TJP2: variants seen among roughly 807,000 people sequenced by gnomAD.
TJP2 encodes Friedreich ataxia region gene X104 (tight junction protein ZO-2).
In TJP2, 91 loss-of-function variants were observed where a neutral mutation model predicts 133.1. The ratio of observed to expected loss-of-function variants is 0.68; its 90% CI spans 0.58 to 0.81. TJP2 has a LOEUF of 0.81. Ranked by LOEUF, TJP2 falls within the 40% of genes least tolerant of loss-of-function variation. TJP2 has a pLI of 0.00. For synonymous variants in TJP2, 592 were observed against 583.4 expected, an observed-to-expected ratio of 1.01 and a Z score of -0.21; for missense variants, 1,541 against 1,565.6, an observed-to-expected ratio of 0.98 and a Z score of 0.26.
intron 1 of TJP2, chr9:69,145,951 C>A: frequency 2.3e-6 from 1 of 441,966 alleles, no homozygotes; most frequent in Non-Finnish European, 3.7e-6. Context: ...GAACTTGTTT[C>A]TTCTTGGTGG....
At chr9:69,173,485 G>A (rs1000941101), upstream of TJP2, among the ~76,000 whole-genome samples, 4 of 152,336 alleles carry the variant, frequency 2.6e-5, no homozygotes, top group South Asian at 2.1e-4. Flanking sequence ...ATAAGCTGAT[G>A]ATGGGAGAGG....
At chr9:69,218,138 C>T in intron 3 of TJP2, 119 bp from the exon 4 acceptor site, 1 of 830,570 alleles carries the variant, frequency 1.2e-6, no homozygotes, top group African/African-American at 1.7e-5. Context: ...CGCCACTAGA[C>T]ACTGAGCCCT....
intron 11 of TJP2, among the ~76,000 whole-genome samples, chr9:69,231,008 ATG>A (rs374705533): frequency 9.9e-5 from 15 of 151,002 alleles, no homozygotes; most frequent in African/African-American, 2.2e-4. Flanking sequence ...ACATTTGTGT[ATG>A]TGTGTGTGTG....
In TJP2 at chr9:69,221,642, C is replaced by T. The variant is rs572677921; in HGVS notation, c.952+146C>T. The T allele has an allele frequency of 1.4e-3, 1,588 of 1,115,806 alleles. 3 individuals carry two copies. The highest frequency in any genetic ancestry group is 1.7e-3 in the Non-Finnish European group (1,308 of 773,670). 69.1% of individuals were successfully genotyped at this position (1,115,806 alleles called of 1,614,324 possible). ...GATCTCGGCTCACTGCAACCTCCAC[C>T]TCCCGGGTTCAAGTGATTCTCCTGC... On this transcript the variant is annotated intron_variant, in intron 5 of 22. Transcript: ENST00000377245.
At chr9:69,247,753 T>C (rs111671780) in intron 18 of TJP2, among the ~76,000 whole-genome samples, 24 of 152,282 alleles carry the variant, frequency 1.6e-4, no homozygotes, top group African/African-American at 5.5e-4. Context: ...TGAGAAAGTG[T>C]GGCTTAGCCG....
intron 2 of TJP2, among the ~76,000 whole-genome samples, chr9:69,158,152 A>G (rs183285597): frequency 6.6e-6 from 1 of 151,714 alleles, no homozygotes; most frequent in Admixed American, 6.6e-5. Flanking sequence ...ATCTCTACTA[A>G]AAAACAAAAA....
At chr9:69,231,141 G>T (rs1374396685) in intron 11 of TJP2, among the ~76,000 whole-genome samples, 1 of 151,518 alleles carries the variant, frequency 6.6e-6, no homozygotes, top group East Asian at 1.9e-4. Context: ...TGACAGTCTC[G>T]CTCTGTCACC....
chr9:69,191,577 T>G lies in TJP2; in HGVS notation c.60+17145T>G, dbSNP rs571921592. Among the ~76,000 whole-genome samples, 5 of 152,336 alleles carry G rather than the reference T, an allele frequency of 3.3e-5. No homozygotes were observed. In the South Asian group the frequency reaches 1.0e-3, roughly 32 times the overall value. ...GCGAATGAATGTATGTATCAGTCACTGTTACTCCAGGTCCGTTAGCTGTTT... is the reference window on the plus strand; with the variant it reads ...GCGAATGAATGTATGTATCAGTCACGGTTACTCCAGGTCCGTTAGCTGTTT... On this transcript the variant is annotated intron_variant, in intron 1 of 22. Coordinates refer to ENST00000377245, the MANE Select transcript of TJP2 (RefSeq NM_004817.4).
chr9:69,206,865 T>C (rs929044908), intron 1 of TJP2, among the ~76,000 whole-genome samples: 4 of 152,134 alleles, frequency 2.6e-5, no homozygotes, highest in Non-Finnish European at 5.9e-5. Context: ...GCGCGAGCCA[T>C]CGCGCCCGGC....
intron 5 of TJP2, among the ~76,000 whole-genome samples, chr9:69,223,720 A>G (rs970389068): frequency 1.3e-5 from 2 of 152,204 alleles, no homozygotes; most frequent in African/African-American, 4.8e-5. Context: ...CTGTTTGACC[A>G]CTAGGGGCTC....
chr9:69,236,826 TC>T, intron 13 of TJP2, 122 bp from the exon 14 acceptor site: 1 of 1,186,338 alleles, frequency 8.4e-7, no homozygotes, highest in South Asian at 1.2e-5. Context: ...CTCTGAAACT[TC>T]TTCATTGTCA....
intron 9 of TJP2, 52 bp downstream of exon 9, chr9:69,228,166 T>C (rs1425354324): frequency 1.9e-6 from 3 of 1,560,688 alleles, no homozygotes; most frequent in East Asian, 2.4e-5. Flanking sequence ...AAGTGTGTGC[T>C]CACACAGCCA....
At chr9:69,214,555 C>T (rs966557908) in intron 2 of TJP2, among the ~76,000 whole-genome samples, 2 of 152,104 alleles carry the variant, frequency 1.3e-5, no homozygotes, top group African/African-American at 4.8e-5. Context: ...ACATATTTTA[C>T]GTTCAAATTT....
At chr9:69,162,116 TATA>T (rs1212717472) in intron 2 of TJP2, among the ~76,000 whole-genome samples, 1 of 148,054 alleles carries the variant, frequency 6.8e-6, no homozygotes, top group Non-Finnish European at 1.5e-5. Flanking sequence ...ATATAATAAA[TATA>T]ATTTTTATAT....
intron 1 of TJP2, among the ~76,000 whole-genome samples, chr9:69,193,206 G>A (rs370511235): frequency 3.3e-5 from 5 of 152,136 alleles, no homozygotes; most frequent in East Asian, 1.9e-4. Flanking sequence ...ATGAGCCACC[G>A]TGCCTGGCTT....
chr9:69,153,071 AT>A (rs1485174724), intron 2 of TJP2, among the ~76,000 whole-genome samples: 3 of 151,626 alleles, frequency 2.0e-5, no homozygotes, highest in Admixed American at 2.0e-4. Context: ...TTAAAAAAAA[AT>A]AATAATAATA....
At position 69,225,324 on chromosome 9, in the gene TJP2, A is replaced by T; in HGVS notation, c.973A>T (p.Ser325Cys). Residue 325 changes from serine (S) to cysteine (C), a missense_variant, in exon 6 of 23, where the codon AGT becomes TGT. Physicochemically the swap from Ser to Cys is moderately radical, Grantham distance 112 (BLOSUM62 -1). Coordinates refer to ENST00000377245, the MANE Select transcript of TJP2 (RefSeq NM_004817.4). The stretch of plus-strand genomic sequence containing the variant: ...CCTAGAGTATGGTCTCCGGCTTGGG[A>T]GTCAGATCTTCGTAAAGGAAATGAC... Reference protein sequence around the residue: ...ANEEYGLRLGSQIFVKEMTRT... With the variant: ...ANEEYGLRLGCQIFVKEMTRT... 6.2e-7 allele frequency: 1 copy of T among 1,613,434 alleles called. No individual in the cohort carries two copies. Among genetic ancestry groups the T allele is most frequent in the Non-Finnish European group, 8.5e-7 (1 of 1,179,462 alleles).
At chr9:69,132,215 A>G (rs1822525573) in intron 1 of TJP2, among the ~76,000 whole-genome samples, 1 of 152,212 alleles carries the variant, frequency 6.6e-6, no homozygotes, top group Admixed American at 6.5e-5. Context: ...AGACTCACAC[A>G]AGGAAAGCAG....
At chr9:69,236,293 C>T (rs1246454384) in intron 13 of TJP2, 55 bp downstream of exon 13, 1 of 1,566,942 alleles carries the variant, frequency 6.4e-7, no homozygotes, top group Non-Finnish European at 8.8e-7. Context: ...CTGCAGAAAA[C>T]TAGAGACCGC....
Sources: gnomAD v4.1 joint callset for allele counts (sites outside exome capture counted in the v4.1 genomes callset) on GRCh38, gnomAD v4.1.1 for gene constraint, MANE v1.5 for transcripts, NCBI Gene and HGNC (gene_info 2026-07-23, HGNC 2026-07-21) for gene names.